The following LAMA1 variants were observed in gnomAD, a reference collection of about 807,000 sequenced individuals.
LAMA1 encodes laminin subunit alpha-1.
LAMA1 carries 219 observed loss-of-function variants against 348.7 expected under a neutral mutation model. The observed-to-expected ratio is 0.63, with a 90% CI of 0.56 to 0.70. LAMA1 has a LOEUF of 0.70. LAMA1 is among the 30% of genes least tolerant of loss of function. The pLI is 0.00. For synonymous variants in LAMA1, 1,487 were observed against 1,491.0 expected (o/e 1.00, Z 0.06); for missense variants, 3,744 against 3,888.0 (o/e 0.96, Z 0.99).
intron 30 of LAMA1, among the ~76,000 whole-genome samples, chr18:7,000,221 C>T (rs980402145): frequency 3.9e-5 from 6 of 152,208 alleles, no homozygotes; most frequent in Non-Finnish European, 8.8e-5. Flanking sequence ...AGACCCTGTC[C>T]AGGGACAATC....
intron 42 of LAMA1, among the ~76,000 whole-genome samples, chr18:6,979,853 C>G (rs538339117): frequency 2.0e-5 from 3 of 152,130 alleles, no homozygotes; most frequent in Non-Finnish European, 4.4e-5. Context: ...GAGCCAAGAT[C>G]GCGCCACTGC....
chr18:6,959,334 C>G lies in LAMA1; in HGVS notation c.7778+7G>C, dbSNP rs1189078000. On this transcript the variant is annotated splice_region_variant and intron_variant, in intron 54 of 62. Transcript: ENST00000389658. ...TCATTACACACTGCCTGGCCGCGTGCAAGTACCTCCGATTCCTGACCAAGG... is the reference window on the plus strand; with the variant it reads ...TCATTACACACTGCCTGGCCGCGTGGAAGTACCTCCGATTCCTGACCAAGG... 1 of 1,614,072 alleles carries G rather than the reference C, an allele frequency of 6.2e-7. No homozygotes were observed. Among genetic ancestry groups the G allele is most frequent in the South Asian group, 1.1e-5 (1 of 91,076 alleles).
At chr18:7,003,632 G>T (rs190948223) in intron 29 of LAMA1, among the ~76,000 whole-genome samples, 4 of 152,248 alleles carry the variant, frequency 2.6e-5, no homozygotes, top group Middle Eastern at 3.4e-3. Flanking sequence ...ATTGGCATTT[G>T]CTCAATTCAT....
intron 3 of LAMA1, among the ~76,000 whole-genome samples, chr18:7,072,313 C>T (rs1368367028): frequency 6.6e-6 from 1 of 152,122 alleles, no homozygotes; most frequent in Non-Finnish European, 1.5e-5. Flanking sequence ...AAAGAAAACT[C>T]ATGTTTATTA....
chr18:6,974,253 T>A (rs2057671355), intron 46 of LAMA1, among the ~76,000 whole-genome samples: 1 of 152,146 alleles, frequency 6.6e-6, no homozygotes, highest in Non-Finnish European at 1.5e-5. Context: ...TTAATTTTTA[T>A]TATATATTGT....
chr18:7,081,036 G>C (rs890558921), intron 1 of LAMA1, among the ~76,000 whole-genome samples: 8 of 151,930 alleles, frequency 5.3e-5, no homozygotes, highest in Non-Finnish European at 8.8e-5. Flanking sequence ...ACAGATACTG[G>C]AGAAGCTGTG....
In LAMA1 at chr18:6,980,021, C is replaced by T. The variant is rs535256170; in HGVS notation, c.6007+500G>A. ...TTACAATAAAATTACTGTAGACCCC[C>T]CCAAAAAATTTCATGAATACCACAT... On this transcript the variant is annotated intron_variant, in intron 42 of 62. Transcript: ENST00000389658. Among the ~76,000 whole-genome samples the T allele has an allele frequency of 3.8e-3, 570 of 149,358 alleles. 3 individuals are homozygous for T. Among genetic ancestry groups the T allele is most frequent in the African/African-American group, 0.014 (549 of 39,066 alleles).
intron 48 of LAMA1, among the ~76,000 whole-genome samples, chr18:6,970,200 G>A (rs953591920): frequency 2.6e-5 from 4 of 152,050 alleles, no homozygotes; most frequent in Non-Finnish European, 5.9e-5. Context: ...CCAGAGCAGG[G>A]TGTGTCATTA....
chr18:7,052,608 T>A (rs1341396502), intron 3 of LAMA1, among the ~76,000 whole-genome samples: 1 of 152,038 alleles, frequency 6.6e-6, no homozygotes, highest in Admixed American at 6.6e-5. Flanking sequence ...ATGCATGTAA[T>A]CCCAGCTACT....
Position 7,023,338 on chromosome 18 carries a change from C to T in LAMA1, c.2527G>A (p.Gly843Ser), listed in dbSNP as rs761965438. The change falls in exon 19 of 63, where the codon GGC becomes AGC. Residue 843 changes from glycine to serine, a missense_variant. By Grantham distance (56) the Gly-to-Ser change is moderately conservative. Transcript: ENST00000389658. ...DGYYGNPTVP[G>S]ESCVPCDCSG... The stretch of plus-strand genomic sequence containing the variant: ...CAGTCACAGGGAACACAAGATTCGC[C>T]AGGCACTGTTGGGTTTCCATAGTAA... 7 of 1,614,086 alleles carry T rather than the reference C, an allele frequency of 4.3e-6. No homozygotes were observed. The highest frequency in any genetic ancestry group is 3.3e-5 in the Admixed American group (2 of 59,998).
At chr18:7,060,619 AAAGT>A in intron 3 of LAMA1, among the ~76,000 whole-genome samples, 1 of 152,292 alleles carries the variant, frequency 6.6e-6, no homozygotes, top group South Asian at 2.1e-4. Context: ...AAGAAAAGCC[AAAGT>A]AAGAGAGATG....
chr18:6,992,558 T>TAA lies in LAMA1; in HGVS notation c.5168+2_5168+3insTT, dbSNP rs774571135. On this transcript the variant is annotated splice_region_variant and intron_variant, in intron 36 of 62. Coordinates refer to ENST00000389658, the MANE Select transcript of LAMA1 (RefSeq NM_005559.4). ...GCATTGCACACAGTAATTAGAAACT[T>TAA]ACTTGAGTTCAAGGGTGGCATTTTG... is the stretch of plus-strand genomic sequence containing the variant. The TAA allele has an allele frequency of 1.9e-6, 3 of 1,614,136 alleles. No individual in the cohort carries two copies. The highest frequency in any genetic ancestry group is 1.7e-6 in the Non-Finnish European group (2 of 1,179,962).
chr18:7,039,688 T>G (rs1297052452), intron 10 of LAMA1, among the ~76,000 whole-genome samples: 2 of 152,160 alleles, frequency 1.3e-5, no homozygotes, highest in Non-Finnish European at 2.9e-5. Flanking sequence ...CAATAAAACT[T>G]TATTCACAAA....
chr18:6,964,945 G>A, intron 50 of LAMA1, 142 bp from the exon 51 acceptor site: 1 of 962,012 alleles, frequency 1.0e-6, no homozygotes, highest in Non-Finnish European at 1.6e-6. Context: ...AATGTTCTTG[G>A]CTATTGAAGG....
intron 3 of LAMA1, among the ~76,000 whole-genome samples, chr18:7,055,106 G>T (rs2058076180): frequency 6.7e-6 from 1 of 148,954 alleles, no homozygotes; most frequent in African/African-American, 2.5e-5. Context: ...GTTATTCAAG[G>T]GTCAGCTGTG....
chr18:7,100,058 C>CAAAAAAAA (rs3038921), intron 1 of LAMA1, among the ~76,000 whole-genome samples: 68 of 79,638 alleles, frequency 8.5e-4, no homozygotes, highest in Non-Finnish European at 1.0e-3. Context: ...GACTTTGTCT[C>CAAAAAAAA]AAAAAAAAAA....
At position 6,948,571 on chromosome 18, in the gene LAMA1, A is replaced by G; in HGVS notation, c.8557-15T>C. The G allele has an allele frequency of 6.2e-7, 1 of 1,614,208 alleles. No homozygotes were observed. The highest frequency in any genetic ancestry group is 8.5e-7 in the Non-Finnish European group (1 of 1,180,042). ...CTGTGGGTGATCTAAGCCAAATGAC[A>G]TGCAAGAGTAGACAGTGGTGATTCT... On this transcript the variant is annotated splice_polypyrimidine_tract_variant and intron_variant, in intron 59 of 62. Coordinates refer to ENST00000389658, the MANE Select transcript of LAMA1 (RefSeq NM_005559.4).
At chr18:7,017,154 G>T in intron 20 of LAMA1, 124 bp downstream of exon 20, 1 of 797,560 alleles carries the variant, frequency 1.3e-6, no homozygotes, top group Non-Finnish European at 2.2e-6. Context: ...CCCCAGTCTT[G>T]GGTAGTATCT....
chr18:7,074,967 C>CAAAAAAAAAAAAAAAAAAAA lies in LAMA1; in HGVS notation c.345+4988_345+5007dup, dbSNP rs773818069. 1.7e-4 allele frequency among the ~76,000 whole-genome samples: 9 copies of CAAAAAAAAAAAAAAAAAAAA among 52,268 alleles called. 2 individuals carry two copies. Among genetic ancestry groups the CAAAAAAAAAAAAAAAAAAAA allele is most frequent in the Non-Finnish European group, 3.0e-4 (9 of 30,290 alleles). The allele number at this position is 52,268 out of a possible 152,430, so 34.3% of individuals were successfully genotyped here. ...GATAACCAAACCTAATACATAGAGG[C>CAAAAAAAAAAAAAAAAAAAA]AAAAAAAAAAAAAAAAAAAAAAAAA... On this transcript the variant is annotated intron_variant, in intron 3 of 62. Coordinates refer to ENST00000389658, the MANE Select transcript of LAMA1 (RefSeq NM_005559.4).
Sources: gnomAD v4.1 joint callset for allele counts (sites outside exome capture counted in the v4.1 genomes callset) on GRCh38, gnomAD v4.1.1 for gene constraint, MANE v1.5 for transcripts, NCBI Gene and HGNC (gene_info 2026-07-23, HGNC 2026-07-21) for gene names.